The following COMMD1 variants were observed in gnomAD, a reference collection of about 807,000 sequenced individuals.
The protein encoded by COMMD1 is copper metabolism domain containing 1.
COMMD1 carries 10 observed loss-of-function variants against 17.2 expected under a neutral mutation model. The ratio of observed to expected loss-of-function variants is 0.58; its 90% confidence interval spans 0.36 to 0.99. The LOEUF (loss-of-function observed/expected upper bound fraction) is 0.99, where lower values mean the gene tolerates loss of function less well. COMMD1 is among the 50% of genes least tolerant of loss of function. The probability of loss-of-function intolerance (pLI) is 0.01; values close to 1 mark genes in which losing one functional copy is unlikely to be tolerated. For missense variants in COMMD1, 270 were observed against 231.8 expected (o/e 1.17, Z -1.07); for synonymous variants, 97 against 91.6 (o/e 1.06, Z -0.34).
intron 2 of COMMD1, among the ~76,000 whole-genome samples, chr2:62,001,926 G>A (rs1384378123): frequency 2.0e-5 from 3 of 152,050 alleles, no homozygotes; most frequent in Non-Finnish European, 4.4e-5. Flanking sequence ...CCAGCACTTT[G>A]GGAGGCTGAG....
intron 1 of COMMD1, among the ~76,000 whole-genome samples, chr2:61,909,486 A>G (rs1361976720): frequency 6.6e-6 from 1 of 152,198 alleles, no homozygotes; most frequent in East Asian, 1.9e-4. Flanking sequence ...TGAGTTAAGA[A>G]CATAGCATGG....
upstream of COMMD1, among the ~76,000 whole-genome samples, chr2:61,902,142 A>C (rs897011370): frequency 6.6e-6 from 1 of 151,442 alleles, no homozygotes; most frequent in Non-Finnish European, 1.5e-5. Context: ...AGATTTGACT[A>C]TATAAACATG....
intron 1 of COMMD1, among the ~76,000 whole-genome samples, chr2:61,971,919 G>T (rs771184798): frequency 6.6e-6 from 1 of 152,050 alleles, no homozygotes; most frequent in African/African-American, 2.4e-5. Flanking sequence ...CCAGGAGTTC[G>T]AGACCAGCCT....
At chr2:61,940,123 G>T (rs1049937524) in intron 1 of COMMD1, among the ~76,000 whole-genome samples, 5 of 152,064 alleles carry the variant, frequency 3.3e-5, no homozygotes, top group Non-Finnish European at 7.4e-5. Flanking sequence ...ACAGTTTTTT[G>T]TCATAAGTCC....
upstream of COMMD1, among the ~76,000 whole-genome samples, chr2:61,905,280 T>G (rs1045544994): frequency 4.6e-5 from 7 of 152,114 alleles, no homozygotes; most frequent in African/African-American, 1.7e-4. Flanking sequence ...TAGGCAGAGA[T>G]TAAATCTGAG....
chr2:62,038,145 G>A (rs1484668901), intron 2 of COMMD1, among the ~76,000 whole-genome samples: 1 of 152,006 alleles, frequency 6.6e-6, no homozygotes, highest in Non-Finnish European at 1.5e-5. Flanking sequence ...AAAACTAGTC[G>A]GGCGTGGTGG....
chr2:61,989,827 G>A lies in COMMD1; in HGVS notation c.181-10874G>A, dbSNP rs1389489626. ...TCCCTTCAACATGTGTTTGTAGAGC[G>A]CCTACTGTGTTCCAGTTTTGCAGAC... On this transcript the variant is annotated intron_variant, in intron 1 of 2. Coordinates refer to ENST00000311832, the MANE Select transcript of COMMD1 (RefSeq NM_152516.4). Among the ~76,000 whole-genome samples the A allele has an allele frequency of 5.3e-5, 8 of 152,216 alleles. No homozygotes were observed. In the East Asian group the frequency reaches 1.2e-3, roughly 22 times the overall value.
chr2:62,097,221 G>C (rs988210689), intron 2 of COMMD1, among the ~76,000 whole-genome samples: 3 of 152,212 alleles, frequency 2.0e-5, no homozygotes, highest in Non-Finnish European at 4.4e-5. Context: ...TTTTTAACTG[G>C]GATAATTGGT....
chr2:61,963,285 C>T (rs1326085948), intron 1 of COMMD1, among the ~76,000 whole-genome samples: 1 of 151,572 alleles, frequency 6.6e-6, no homozygotes, highest in Non-Finnish European at 1.5e-5. Flanking sequence ...TTCCTGAGTT[C>T]TATGTGTTGT....
chr2:62,092,709 TTTG>T (rs1671868592), intron 2 of COMMD1, among the ~76,000 whole-genome samples: 2 of 152,192 alleles, frequency 1.3e-5, no homozygotes, highest in South Asian at 4.1e-4. Context: ...CTTTGTTTTA[TTTG>T]TTAAGGTTTT....
chr2:61,979,669 C>T (rs1053676784), intron 1 of COMMD1, among the ~76,000 whole-genome samples: 4 of 152,128 alleles, frequency 2.6e-5, no homozygotes, highest in African/African-American at 4.8e-5. Context: ...TTTACCTTCC[C>T]ACCAACAGTG....
intron 2 of COMMD1, among the ~76,000 whole-genome samples, chr2:62,067,142 T>C (rs1253159070): frequency 6.6e-6 from 1 of 151,926 alleles, no homozygotes; most frequent in African/African-American, 2.4e-5. Flanking sequence ...GGAGAATCGC[T>C]TGAACCCGGA....
upstream of COMMD1, among the ~76,000 whole-genome samples, chr2:61,904,032 G>A (rs950940356): frequency 3.3e-5 from 5 of 151,792 alleles, no homozygotes; most frequent in Admixed American, 6.6e-5. Context: ...TTTTTGAGAC[G>A]GAGTCTCCCT....
Position 61,898,461 on chromosome 2 carries a change from G to A in COMMD1, n.119+9619G>A, listed in dbSNP as rs527246587. 3.0e-4 allele frequency among the ~76,000 whole-genome samples: 46 copies of A among 152,288 alleles called. 2 individuals carry two copies. The highest frequency in any genetic ancestry group is 1.5e-5 in the Non-Finnish European group (1 of 68,028). On this transcript the variant is annotated intron_variant and non_coding_transcript_variant, in intron 1 of 2. Coordinates refer to the COMMD1 transcript ENST00000472729. ...ACTGCACTGCAGCCTGGATGACAGA[G>A]TGAGACCCTGTCTCAAGAAAATAAA...
At chr2:61,907,970 G>A (rs1669813925) in intron 1 of COMMD1, among the ~76,000 whole-genome samples, 1 of 152,148 alleles carries the variant, frequency 6.6e-6, no homozygotes, top group African/African-American at 2.4e-5. Context: ...TTACAGGTGT[G>A]AGCCACTGCA....
At chr2:61,888,618 A>G, upstream of COMMD1, 1 of 1,319,830 alleles carries the variant, frequency 7.6e-7, no homozygotes. Flanking sequence ...ACCTTCCAGA[A>G]AGCGGCGCCG....
chr2:61,985,252 G>T (rs901544697), intron 1 of COMMD1, among the ~76,000 whole-genome samples: 1 of 151,918 alleles, frequency 6.6e-6, no homozygotes, highest in Admixed American at 6.6e-5. Context: ...GGGTTTCACC[G>T]TGTTAGCCAG....
At chr2:62,086,261 G>A (rs1047314482) in intron 2 of COMMD1, among the ~76,000 whole-genome samples, 1 of 152,104 alleles carries the variant, frequency 6.6e-6, no homozygotes, top group Admixed American at 6.6e-5. Flanking sequence ...TGTAAACCCA[G>A]CACTTTGGGA....
intron 1 of COMMD1, among the ~76,000 whole-genome samples, chr2:61,920,051 C>T (rs1275737415): frequency 2.0e-5 from 3 of 152,082 alleles, no homozygotes; most frequent in African/African-American, 7.2e-5. Flanking sequence ...ATCACTTGAG[C>T]CCCAGAGGTT....
Sources: allele counts gnomAD v4.1 joint callset (sites outside exome capture counted in the v4.1 genomes callset), GRCh38; gene constraint gnomAD v4.1.1; transcripts MANE v1.5; gene names NCBI Gene and HGNC (gene_info 2026-07-23, HGNC 2026-07-21).